Variants in PDE8B observed in about 807,000 individuals in gnomAD.
PDE8B encodes high affinity cAMP-specific and IBMX-insensitive 3',5'-cyclic phosphodiesterase 8B.
Under a neutral mutation model 101.3 loss-of-function variants are expected in PDE8B, and 26 were observed. That is an observed-to-expected ratio of 0.26 (90% confidence interval 0.19 to 0.36). The LOEUF (loss-of-function observed/expected upper bound fraction) is 0.36. Ranked by LOEUF, PDE8B falls within the 10% of genes least tolerant of loss-of-function variation. The pLI is 1.00. For missense variants in PDE8B, 810 were observed against 1,163.1 expected (o/e 0.70, Z 4.42); for synonymous variants, 424 against 429.3 (o/e 0.99, Z 0.15).
chr5:77,419,980 G>A lies in PDE8B; in HGVS notation c.2250+93G>A, dbSNP rs74351567. On this transcript the variant is annotated intron_variant, in intron 19 of 21. Transcript: ENST00000264917. ...GAAGCATTTTCTCTCCCACTCAAATGTAAGGTGGTTATTTACTTGGAGTTG... is the reference window on the plus strand; with the variant it reads ...GAAGCATTTTCTCTCCCACTCAAATATAAGGTGGTTATTTACTTGGAGTTG... 770 of 1,424,942 alleles carry A rather than the reference G, an allele frequency of 5.4e-4. 5 individuals carry two copies. In the African/African-American group the frequency reaches 9.3e-3, roughly 17 times the overall value. 88.3% of individuals were successfully genotyped at this position (1,424,942 alleles called of 1,614,324 possible).
chr5:77,422,054 T>G (rs1293634828), intron 20 of PDE8B, 66 bp downstream of exon 20: 1 of 1,498,660 alleles, frequency 6.7e-7, no homozygotes, highest in East Asian at 2.3e-5. Context: ...ATGGAACTCC[T>G]GGGGGATTCT....
chr5:77,156,844 T>C, the PDE8B span, among the ~76,000 whole-genome samples: 20 of 152,010 alleles, frequency 1.3e-4, no homozygotes, highest in African/African-American at 4.8e-4. Context: ...CCCCTTCAGG[T>C]TCAGTGTCAG....
rs193004267 is a variant in PDE8B, at chr5:77,372,766, C to T, written c.1167+19360C>T. Reference sequence around the variant, plus strand: ...GTCTGTAGACTTTGTAGTGTAAGGCCAGGTGTCGTGGCTCACGCCTGTAAT... The same window carrying T: ...GTCTGTAGACTTTGTAGTGTAAGGCTAGGTGTCGTGGCTCACGCCTGTAAT... On this transcript the variant is annotated intron_variant, in intron 10 of 21. Transcript: ENST00000264917. 2.1e-4 allele frequency among the ~76,000 whole-genome samples: 32 copies of T among 152,260 alleles called. No homozygotes were observed. The East Asian group carries it at 6.0e-3, about 28-fold the overall frequency.
At chr5:77,318,248 A>G (rs1774275500) in intron 2 of PDE8B, among the ~76,000 whole-genome samples, 1 of 152,160 alleles carries the variant, frequency 6.6e-6, no homozygotes, top group Non-Finnish European at 1.5e-5. Context: ...CAGACTCAGT[A>G]ACTTGCTGTG....
chr5:77,220,839 G>T (rs1750949834), intron 1 of PDE8B, among the ~76,000 whole-genome samples: 1 of 152,146 alleles, frequency 6.6e-6, no homozygotes, highest in Non-Finnish European at 1.5e-5. Flanking sequence ...TCCATTGTGT[G>T]CTGGGGAGCT....
chr5:77,325,871 G>C (rs1384995763), intron 3 of PDE8B, 142 bp downstream of exon 3: 1 of 677,032 alleles, frequency 1.5e-6, no homozygotes, highest in Non-Finnish European at 2.6e-6. Flanking sequence ...GATGTCTGTG[G>C]TGAAAGCTAT....
intron 1 of PDE8B, among the ~76,000 whole-genome samples, chr5:77,236,372 A>C (rs1297045136): frequency 1.3e-5 from 2 of 152,220 alleles, no homozygotes; most frequent in Non-Finnish European, 2.9e-5. Flanking sequence ...ATAGAAGAAG[A>C]GATCTAAGAA....
chr5:77,322,729 C>T (rs959132843), intron 2 of PDE8B, among the ~76,000 whole-genome samples: 8 of 152,234 alleles, frequency 5.3e-5, no homozygotes, highest in African/African-American at 1.9e-4. Context: ...TCCTGACCCC[C>T]TTACTCTGCT....
At position 77,406,785 on chromosome 5, in the gene PDE8B, A is replaced by G. The variant is rs564171590; in HGVS notation, c.1289-596A>G. 1.6e-4 allele frequency among the ~76,000 whole-genome samples: 25 copies of G among 152,372 alleles called. No homozygotes were observed. The South Asian group carries it at 4.6e-3, about 28-fold the overall frequency. ...CTTAAACCAAGTATAAACATTAACTATGTAGAAAAATAAAAGATTTTTTAA... is the reference window on the plus strand; with the variant it reads ...CTTAAACCAAGTATAAACATTAACTGTGTAGAAAAATAAAAGATTTTTTAA... On this transcript the variant is annotated intron_variant, in intron 12 of 21. Transcript: ENST00000264917.
intron 10 of PDE8B, among the ~76,000 whole-genome samples, chr5:77,371,399 T>C (rs754810732): frequency 1.3e-5 from 2 of 152,246 alleles, no homozygotes; most frequent in Non-Finnish European, 2.9e-5. Context: ...TTGACATCTT[T>C]GTCAAAAGTC....
intron 12 of PDE8B, among the ~76,000 whole-genome samples, 191 bp from the exon 13 acceptor site, chr5:77,407,190 C>T (rs976265244): frequency 3.9e-5 from 6 of 152,304 alleles, no homozygotes; most frequent in Middle Eastern, 3.4e-3. Flanking sequence ...CAGGCCAGAT[C>T]GCCTTTCCAG....
chr5:77,196,445 T>C, the PDE8B span, among the ~76,000 whole-genome samples: 3 of 152,210 alleles, frequency 2.0e-5, no homozygotes, highest in African/African-American at 7.2e-5. Flanking sequence ...GGTTAGTTTG[T>C]ACATGGGATG....
At chr5:77,131,442 C>G in the PDE8B span, among the ~76,000 whole-genome samples, 1 of 152,206 alleles carries the variant, frequency 6.6e-6, no homozygotes, top group Non-Finnish European at 1.5e-5. Flanking sequence ...CTTAACTTTT[C>G]TTCTACCATC....
intron 1 of PDE8B, among the ~76,000 whole-genome samples, chr5:77,272,475 T>A (rs1762992562): frequency 6.6e-6 from 1 of 152,192 alleles, no homozygotes; most frequent in Non-Finnish European, 1.5e-5. Flanking sequence ...TACATATGGT[T>A]CCTTTTATTT....
At chr5:77,354,732 C>A (rs1370025851) in intron 10 of PDE8B, among the ~76,000 whole-genome samples, 1 of 152,164 alleles carries the variant, frequency 6.6e-6, no homozygotes, top group African/African-American at 2.4e-5. Context: ...GCCTTTCCCC[C>A]ACCAACTCAG....
chr5:77,382,067 T>C (rs1475365786), intron 10 of PDE8B, among the ~76,000 whole-genome samples: 1 of 152,196 alleles, frequency 6.6e-6, no homozygotes, highest in East Asian at 1.9e-4. Context: ...TTTTCAGCCA[T>C]CAATCCGTAT....
chr5:77,263,471 C>G (rs1448126191), intron 1 of PDE8B, among the ~76,000 whole-genome samples: 1 of 152,120 alleles, frequency 6.6e-6, no homozygotes, highest in African/African-American at 2.4e-5. Context: ...GTTATAGAAT[C>G]TGATAAGTAC....
At chr5:77,220,523 G>A (rs967426255) in intron 1 of PDE8B, among the ~76,000 whole-genome samples, 1 of 152,214 alleles carries the variant, frequency 6.6e-6, no homozygotes, top group African/African-American at 2.4e-5. Flanking sequence ...TTTATATGCA[G>A]ACTATATGAC....
chr5:77,250,985 G>C (rs1757948267), intron 1 of PDE8B, among the ~76,000 whole-genome samples: 2 of 152,216 alleles, frequency 1.3e-5, no homozygotes, highest in African/African-American at 4.8e-5. Context: ...GTGTAATTCA[G>C]CCACATTATA....
Sources: allele counts gnomAD v4.1 joint callset (sites outside exome capture counted in the v4.1 genomes callset), GRCh38; gene constraint gnomAD v4.1.1; transcripts MANE v1.5; gene names NCBI Gene and HGNC (gene_info 2026-07-23, HGNC 2026-07-21).